LMBR1: variants seen among roughly 807,000 people sequenced by gnomAD.
LMBR1 encodes the protein limb development membrane protein 1.
LMBR1 carries 52 observed loss-of-function variants against 73.9 expected under a neutral mutation model. That is an observed-to-expected ratio of 0.70 (90% CI 0.56 to 0.89). The LOEUF (loss-of-function observed/expected upper bound fraction) is 0.89. LMBR1 is among the 40% of genes least tolerant of loss of function. The pLI is 0.00. For missense variants in LMBR1, 539 were observed against 579.8 expected, an observed-to-expected ratio of 0.93 and a Z score of 0.72; for synonymous variants, 215 against 209.4, an observed-to-expected ratio of 1.03 and a Z score of -0.23.
chr7:156,748,179 T>C (rs1011106661), intron 9 of LMBR1, among the ~76,000 whole-genome samples: 3 of 152,202 alleles, frequency 2.0e-5, no homozygotes, highest in Non-Finnish European at 4.4e-5. Flanking sequence ...GACCTAGTAA[T>C]GTGAGACTTT....
chr7:156,874,608 G>A (rs1048968321), intron 1 of LMBR1, among the ~76,000 whole-genome samples: 10 of 152,234 alleles, frequency 6.6e-5, no homozygotes, highest in African/African-American at 1.7e-4. Context: ...ACCTGCAGAC[G>A]GTTCACATCA....
At chr7:156,873,191 A>G (rs982232281) in intron 1 of LMBR1, among the ~76,000 whole-genome samples, 5 of 151,988 alleles carry the variant, frequency 3.3e-5, no homozygotes, top group Non-Finnish European at 7.4e-5. Flanking sequence ...AGATGTGTTC[A>G]GAGTTTCTTC....
intron 5 of LMBR1, among the ~76,000 whole-genome samples, chr7:156,766,598 T>A (rs531658360): frequency 2.6e-5 from 4 of 152,282 alleles, no homozygotes; most frequent in African/African-American, 9.6e-5. Flanking sequence ...AATAGATGGC[T>A]TTCTGGAAAA....
At chr7:156,815,962 T>A (rs568565249) in intron 4 of LMBR1, among the ~76,000 whole-genome samples, 1 of 152,006 alleles carries the variant, frequency 6.6e-6, no homozygotes, top group South Asian at 2.1e-4. Context: ...TTTCTATTGT[T>A]ATTGATCCAT....
chr7:156,796,931 G>A (rs1485988613), intron 4 of LMBR1, among the ~76,000 whole-genome samples: 1 of 152,090 alleles, frequency 6.6e-6, no homozygotes, highest in Admixed American at 6.5e-5. Context: ...CATTTATTGA[G>A]CCCTTATGTG....
At chr7:156,717,812 TACTC>T (rs1420445258) in intron 15 of LMBR1, among the ~76,000 whole-genome samples, 6 of 152,224 alleles carry the variant, frequency 3.9e-5, no homozygotes, top group African/African-American at 9.6e-5. Context: ...AACAAAGTAA[TACTC>T]AGGTGAGATT....
intron 5 of LMBR1, among the ~76,000 whole-genome samples, 200 bp from the exon 6 acceptor site, chr7:156,763,995 G>C (rs769796804): frequency 6.6e-6 from 1 of 151,730 alleles, no homozygotes; most frequent in African/African-American, 2.4e-5. Context: ...TATTAAGCTT[G>C]GATAAAACAC....
chr7:156,785,464 A>C (rs547124988), intron 5 of LMBR1, among the ~76,000 whole-genome samples: 1 of 152,314 alleles, frequency 6.6e-6, no homozygotes, highest in African/African-American at 2.4e-5. Context: ...AGAGGTAAAC[A>C]CTAAGAATCC....
intron 9 of LMBR1, among the ~76,000 whole-genome samples, chr7:156,754,140 C>T (rs1305534871): frequency 1.3e-5 from 2 of 152,186 alleles, no homozygotes; most frequent in East Asian, 3.8e-4. Flanking sequence ...AACATTATCA[C>T]AGCACACAGC....
At chr7:156,860,168 GAC>G (rs771330519) in intron 1 of LMBR1, among the ~76,000 whole-genome samples, 1 of 152,140 alleles carries the variant, frequency 6.6e-6, no homozygotes, top group Non-Finnish European at 1.5e-5. Context: ...TGCCGATAAA[GAC>G]ATATCAGAAA....
intron 1 of LMBR1, among the ~76,000 whole-genome samples, chr7:156,874,089 G>T (rs1022384999): frequency 6.6e-6 from 1 of 152,260 alleles, no homozygotes; most frequent in Non-Finnish European, 1.5e-5. Flanking sequence ...GGCCGCACAG[G>T]AGCCCATGGA....
At chr7:156,737,467 T>C (rs913077611) in intron 9 of LMBR1, among the ~76,000 whole-genome samples, 1 of 152,268 alleles carries the variant, frequency 6.6e-6, no homozygotes, top group South Asian at 2.1e-4. Context: ...CAAATTCATG[T>C]CCTTTAGATC....
At chr7:156,847,158 A>C (rs1241078044) in intron 1 of LMBR1, among the ~76,000 whole-genome samples, 1 of 152,194 alleles carries the variant, frequency 6.6e-6, no homozygotes, top group African/African-American at 2.4e-5. Flanking sequence ...TCTTTGACAA[A>C]AAGAGCAAAG....
intron 1 of LMBR1, among the ~76,000 whole-genome samples, chr7:156,878,723 C>T (rs1490276557): frequency 1.3e-5 from 2 of 152,118 alleles, no homozygotes; most frequent in South Asian, 2.1e-4. Context: ...TCATATGGAA[C>T]CAAAAAAGAG....
chr7:156,891,212 ATATATAT>A (rs1435522331), intron 1 of LMBR1, among the ~76,000 whole-genome samples: 587 of 44,422 alleles, frequency 0.013, 30 homozygotes, highest in Middle Eastern at 0.021. Flanking sequence ...AAAAAAAAAA[ATATATAT>A]ATATATATAT....
chr7:156,701,389 A>C (rs1809644086), intron 15 of LMBR1, among the ~76,000 whole-genome samples: 1 of 152,248 alleles, frequency 6.6e-6, no homozygotes, highest in African/African-American at 2.4e-5. Flanking sequence ...ATTCATACAT[A>C]CATCATCACA....
chr7:156,720,894 G>A (rs1270343347), intron 15 of LMBR1, among the ~76,000 whole-genome samples: 3 of 151,872 alleles, frequency 2.0e-5, no homozygotes, highest in Non-Finnish European at 4.4e-5. Context: ...TTCACAACAA[G>A]AGCTAGAGAA....
At position 156,779,590 on chromosome 7, in the gene LMBR1, AT is replaced by A. The variant is rs1826753933; in HGVS notation, c.424-15796del. 26 of 832,272 alleles carry A rather than the reference AT, an allele frequency of 3.1e-5. No homozygotes were observed. The South Asian group carries it at 4.1e-4, about 13-fold the overall frequency. The allele number at this position is 832,272 out of a possible 1,614,324, so 51.6% of individuals were successfully genotyped here. A position where few individuals can be genotyped will look rare whatever the true frequency, so the allele number is the denominator to read the frequency against. Reference sequence around the variant, plus strand: ...GGTTATGATATAATTGCTTCTTGGAATTTTTGTGCTGGTCAATTATACATTT... The same window carrying A: ...GGTTATGATATAATTGCTTCTTGGAATTTTGTGCTGGTCAATTATACATTT... On this transcript the variant is annotated intron_variant, in intron 5 of 16. Transcript: ENST00000353442.
rs540163305 is a variant in LMBR1 at position 156,681,765 on chromosome 7, C to T, written c.*2313G>A. The stretch of plus-strand genomic sequence containing the variant: ...CAGCTCTGCCTTCCAGGGTCTATCT[C>T]CTCTCTTTCACTGGCGTGCAGGAAC... On this transcript the variant is annotated 3_prime_UTR_variant, in exon 17 of 17. Coordinates refer to ENST00000353442, the MANE Select transcript of LMBR1 (RefSeq NM_022458.4). The T allele has an allele frequency of 5.4e-4, 83 of 152,450 alleles. No individual in the cohort carries two copies. Among genetic ancestry groups the T allele is most frequent in the African/African-American group, 1.9e-3 (80 of 41,596 alleles). The allele number at this position is 152,450 out of a possible 1,614,324, so 9.4% of individuals were successfully genotyped here.
Sources: allele counts gnomAD v4.1 joint callset (sites outside exome capture counted in the v4.1 genomes callset), GRCh38; gene constraint gnomAD v4.1.1; transcripts MANE v1.5; gene names NCBI Gene and HGNC (gene_info 2026-07-23, HGNC 2026-07-21).